The following SH3BGRL variants were observed in gnomAD, a reference collection of about 807,000 sequenced individuals.
SH3BGRL encodes the protein SH3 domain binding glutamate rich protein like, also known as adapter SH3BGRL.
In SH3BGRL, 7 loss-of-function variants were observed where a neutral mutation model predicts 9.8. The observed-to-expected ratio is 0.72, with a 90% CI of 0.41 to 1.35. The LOEUF is 1.35. SH3BGRL is among the 40% of genes most tolerant of loss of function. The pLI, the probability that SH3BGRL is intolerant of heterozygous loss-of-function variation, is 0.01. For missense variants in SH3BGRL, 73 were observed against 84.4 expected (o/e 0.86, Z 0.53); for synonymous variants, 36 against 29.1 (o/e 1.24, Z -0.76).
In SH3BGRL at chrX:81,297,379, A is replaced by C; in HGVS notation, c.*152A>C. 2.2e-6 allele frequency: 1 copy of C among 448,190 alleles called. No individual in the cohort carries two copies. The highest frequency in any genetic ancestry group is 4.0e-5 in the East Asian group (1 of 25,290). The allele number at this position is 448,190 out of a possible 1,213,427, so 36.9% of individuals were successfully genotyped here. ...CATGCAAACATTCAAAATGAATACA[A>C]AATTAAAATTTGAACATTATGGTGA... On this transcript the variant is annotated 3_prime_UTR_variant, in exon 4 of 4. Coordinates refer to ENST00000373212, the MANE Select transcript of SH3BGRL (RefSeq NM_003022.3).
intron 1 of SH3BGRL, among the ~76,000 whole-genome samples, chrX:81,267,217 G>T (rs928822301): frequency 9.0e-6 from 1 of 111,343 alleles, no homozygotes; most frequent in Admixed American, 9.6e-5. Flanking sequence ...TTGCCTGATT[G>T]CCCTGGCCAG....
intron 1 of SH3BGRL, among the ~76,000 whole-genome samples, chrX:81,222,763 G>A (rs1290138373): frequency 9.0e-6 from 1 of 111,522 alleles, no homozygotes; most frequent in Non-Finnish European, 1.9e-5. Context: ...CTTCCACAAT[G>A]GTTGAACTAT....
At chrX:81,281,556 A>G (rs1183142310) in intron 3 of SH3BGRL, among the ~76,000 whole-genome samples, 1 of 112,290 alleles carries the variant, frequency 8.9e-6, no homozygotes, top group South Asian at 3.7e-4. Flanking sequence ...ACAATTTTGT[A>G]TCCAGTGAAA....
chrX:81,246,319 T>C (rs899797112), intron 1 of SH3BGRL, among the ~76,000 whole-genome samples: 4 of 112,000 alleles, frequency 3.6e-5, no homozygotes, highest in African/African-American at 1.3e-4. Flanking sequence ...TTTAATTACG[T>C]CACACTTGTT....
intron 3 of SH3BGRL, among the ~76,000 whole-genome samples, chrX:81,279,541 C>T (rs1317922041): frequency 9.0e-6 from 1 of 111,176 alleles, no homozygotes; most frequent in Admixed American, 9.5e-5. Context: ...AAAGGGAGAC[C>T]CTCCTCTCCC....
intron 1 of SH3BGRL, among the ~76,000 whole-genome samples, chrX:81,263,011 T>C (rs1227553458): frequency 2.7e-5 from 3 of 110,427 alleles, no homozygotes; most frequent in Non-Finnish European, 5.7e-5. Context: ...TTGGCAAACA[T>C]TGGTACTCTT....
In SH3BGRL at chrX:81,297,318, G is replaced by C. The variant is rs2075878621; in HGVS notation, c.*91G>C. ...ATTAGCTTTGCTTCAAAAGAAATAG[G>C]CTTAATGTTGAAATAATAGATTAGT... is the stretch of plus-strand genomic sequence containing the variant. On this transcript the variant is annotated 3_prime_UTR_variant, in exon 4 of 4. Transcript: ENST00000373212. 4.3e-6 allele frequency: 3 copies of C among 695,017 alleles called. No individual in the cohort carries two copies. Among genetic ancestry groups the C allele is most frequent in the African/African-American group, 2.1e-5 (1 of 46,725 alleles). The allele number at this position is 695,017 out of a possible 1,213,427, so 57.3% of individuals were successfully genotyped here.
chrX:81,221,356 G>A (rs5959085), intron 1 of SH3BGRL, among the ~76,000 whole-genome samples: 1,195 of 111,240 alleles, frequency 0.011, 18 homozygotes, highest in African/African-American at 0.037. Context: ...AATTCATGTC[G>A]CTGCTACAAT....
intron 3 of SH3BGRL, among the ~76,000 whole-genome samples, chrX:81,295,532 C>T (rs961853269): frequency 1.8e-5 from 2 of 111,484 alleles, no homozygotes; most frequent in Non-Finnish European, 3.8e-5. Flanking sequence ...TCTCCCTCGT[C>T]TTGGGTATGT....
At chrX:81,248,166 T>C (rs760171769) in intron 1 of SH3BGRL, among the ~76,000 whole-genome samples, 20 of 111,288 alleles carry the variant, frequency 1.8e-4, no homozygotes, top group African/African-American at 5.9e-4. Flanking sequence ...CTTTGTCCTT[T>C]CTGATTATGC....
intron 3 of SH3BGRL, among the ~76,000 whole-genome samples, chrX:81,296,056 C>T (rs750300970): frequency 5.3e-4 from 59 of 111,365 alleles, no homozygotes; most frequent in Non-Finnish European, 1.1e-3. Context: ...TTTAATTGAC[C>T]CACACCTCCA....
intron 1 of SH3BGRL, among the ~76,000 whole-genome samples, chrX:81,257,063 T>A (rs2075727425): frequency 2.0e-5 from 2 of 102,192 alleles, no homozygotes; most frequent in Non-Finnish European, 4.0e-5. Context: ...TCTCTACATA[T>A]TTATAGAATA....
Position 81,296,245 on chromosome X carries a change from A to G in SH3BGRL, c.313-950A>G, listed in dbSNP as rs140844718. ...TAAGCCATTAGAAACTGCCCTCATG[A>G]TCAAATATCCTCCCAGCAGGCTGCT... On this transcript the variant is annotated intron_variant, in intron 3 of 3. Transcript: ENST00000373212. Among the ~76,000 whole-genome samples, 807 of 110,890 alleles carry G rather than the reference A, an allele frequency of 7.3e-3. 5 individuals are homozygous for G. Among genetic ancestry groups the G allele is most frequent in the African/African-American group, 0.021 (639 of 30,491 alleles).
intron 1 of SH3BGRL, among the ~76,000 whole-genome samples, chrX:81,268,007 G>T (rs953364859): frequency 3.6e-5 from 4 of 111,837 alleles, no homozygotes; most frequent in African/African-American, 9.8e-5. Context: ...TTTCGTAGAG[G>T]TGTTTATAGT....
chrX:81,261,529 C>T (rs189388630), intron 1 of SH3BGRL, among the ~76,000 whole-genome samples: 1 of 111,183 alleles, frequency 9.0e-6, no homozygotes, highest in East Asian at 2.8e-4. Context: ...GAGCCCATAA[C>T]ATATGTGCGG....
At chrX:81,221,736 T>C (rs2075600604) in intron 1 of SH3BGRL, among the ~76,000 whole-genome samples, 1 of 112,105 alleles carries the variant, frequency 8.9e-6, no homozygotes, top group Non-Finnish European at 1.9e-5. Flanking sequence ...TTTATAATGG[T>C]GCTTTAGGTG....
At chrX:81,257,843 G>A (rs182002181) in intron 1 of SH3BGRL, among the ~76,000 whole-genome samples, 10 of 110,417 alleles carry the variant, frequency 9.1e-5, no homozygotes, top group Non-Finnish European at 1.5e-4. Flanking sequence ...TCCACAATCT[G>A]TAATTGTTCC....
intron 3 of SH3BGRL, among the ~76,000 whole-genome samples, chrX:81,289,651 A>T (rs1356081367): frequency 9.0e-6 from 1 of 111,261 alleles, no homozygotes; most frequent in African/African-American, 3.3e-5. Context: ...TGAGGCTAGG[A>T]GTTTGAGACC....
chrX:81,231,086 A>T (rs1726155691), intron 1 of SH3BGRL, among the ~76,000 whole-genome samples: 1 of 112,296 alleles, frequency 8.9e-6, no homozygotes, highest in Non-Finnish European at 1.9e-5. Context: ...GAGAAGTCAG[A>T]AAAGCCAGGT....
Sources: allele counts gnomAD v4.1 joint callset (sites outside exome capture counted in the v4.1 genomes callset), GRCh38; gene constraint gnomAD v4.1.1; transcripts MANE v1.5; gene names NCBI Gene and HGNC (gene_info 2026-07-23, HGNC 2026-07-21).